Variants in WNK1 observed in about 807,000 individuals in gnomAD.
The protein encoded by WNK1 is WNK lysine deficient protein kinase 1, also known as serine/threonine-protein kinase WNK1.
A neutral mutation model predicts 222.8 loss-of-function variants in WNK1; 38 were observed. The ratio of observed to expected loss-of-function variants is 0.17; its 90% CI spans 0.13 to 0.22. The LOEUF is 0.22. Ranked by LOEUF, WNK1 falls within the 10% of genes least tolerant of loss-of-function variation. The pLI is 1.00. For missense variants in WNK1, 2,348 were observed against 2,918.4 expected (o/e 0.80, Z 4.50); for synonymous variants, 1,090 against 1,092.9 (o/e 1.00, Z 0.05).
At chr12:820,555 A>G (rs1315303458) in intron 2 of WNK1, among the ~76,000 whole-genome samples, 1 of 149,790 alleles carries the variant, frequency 6.7e-6, no homozygotes, top group African/African-American at 2.5e-5. Flanking sequence ...AGCTCACTAC[A>G]GACTTGAACT....
intron 1 of WNK1, among the ~76,000 whole-genome samples, chr12:767,720 A>G (rs1011908625): frequency 6.6e-6 from 1 of 152,140 alleles, no homozygotes; most frequent in African/African-American, 2.4e-5. Flanking sequence ...AGTACATTGA[A>G]GTTTATCAGG....
chr12:757,775 C>T (rs938386365), intron 1 of WNK1, among the ~76,000 whole-genome samples: 3 of 147,232 alleles, frequency 2.0e-5, no homozygotes, highest in Non-Finnish European at 3.0e-5. Context: ...CGGTGGCTCA[C>T]GCCTGTAATC....
At chr12:855,419 C>T (rs1950710922) in intron 4 of WNK1, among the ~76,000 whole-genome samples, 1 of 152,290 alleles carries the variant, frequency 6.6e-6, no homozygotes, top group South Asian at 2.1e-4. Context: ...AGTAATTGAG[C>T]ATTATCCAGC....
rs1939609456 is a variant in WNK1 at position 754,140 on chromosome 12, A to T, written c.575A>T (p.Glu192Val). The change falls in exon 1 of 28, where the codon GAG becomes GTG. Residue 192 changes from glutamate to valine, a missense_variant. Transcript: ENST00000315939. The part of the protein sequence containing the change: ...RSGSGGGSAK[E>V]PQEERSQQQD... ...GGCAGCGGCGGCGGCAGCGCCAAGG[A>T]GCCACAGGAGGAACGGAGCCAGCAG... The T allele has an allele frequency of 6.2e-7, 1 of 1,612,674 alleles. No homozygotes were observed. Among genetic ancestry groups the T allele is most frequent in the Non-Finnish European group, 8.5e-7 (1 of 1,180,008 alleles).
rs138931752 is a variant in WNK1 at position 781,882 on chromosome 12, C to T, written c.759+27558C>T. Among the ~76,000 whole-genome samples, 19 of 151,938 alleles carry T rather than the reference C, an allele frequency of 1.3e-4. No individual in the cohort carries two copies. In the East Asian group the frequency reaches 3.7e-3, roughly 29 times the overall value. On this transcript the variant is annotated intron_variant, in intron 1 of 27. Transcript: ENST00000315939. ...CTAGTTCTGTCAGATTTCTTTGTTCCCCCTCCCAGTGGTTGAGTTCTTATG... is the reference window on the plus strand; with the variant it reads ...CTAGTTCTGTCAGATTTCTTTGTTCTCCCTCCCAGTGGTTGAGTTCTTATG...
At chr12:888,354 A>G (rs898705414) in intron 20 of WNK1, among the ~76,000 whole-genome samples, 1 of 152,256 alleles carries the variant, frequency 6.6e-6, no homozygotes, top group Non-Finnish European at 1.5e-5. Context: ...CAGGAGTTAG[A>G]AAATTAGTTT....
chr12:895,938 G>A (rs144376805), intron 23 of WNK1, 133 bp from the exon 24 acceptor site: 8 of 1,179,098 alleles, frequency 6.8e-6, no homozygotes, highest in African/African-American at 1.5e-5. Flanking sequence ...AAGTGGAGGC[G>A]CTATGTAAAG....
At chr12:856,095 C>T (rs574963445) in intron 4 of WNK1, among the ~76,000 whole-genome samples, 1 of 151,800 alleles carries the variant, frequency 6.6e-6, no homozygotes, top group African/African-American at 2.4e-5. Flanking sequence ...ACCTCAGCCT[C>T]CCCAAAGTGC....
chr12:888,740 A>G (rs1953917139), intron 20 of WNK1, among the ~76,000 whole-genome samples: 1 of 152,206 alleles, frequency 6.6e-6, no homozygotes, highest in Non-Finnish European at 1.5e-5. Flanking sequence ...CTTCCCAGAA[A>G]GATGTATAAA....
At chr12:856,198 G>T (rs539829304) in intron 4 of WNK1, among the ~76,000 whole-genome samples, 55 of 151,472 alleles carry the variant, frequency 3.6e-4, no homozygotes, top group Non-Finnish European at 7.4e-4. Context: ...CTGTAATCCC[G>T]GCACTTTGGG....
chr12:764,634 C>CAAAAAAAAAAAAAAA (rs529312629), intron 1 of WNK1, among the ~76,000 whole-genome samples: 1 of 50,156 alleles, frequency 2.0e-5, no homozygotes, highest in Non-Finnish European at 3.6e-5. Flanking sequence ...AACTCCGTCT[C>CAAAAAAAAAAAAAAA]AAAAAAAAAA....
chr12:780,621 T>G (rs1256020478), intron 1 of WNK1, among the ~76,000 whole-genome samples: 2 of 152,258 alleles, frequency 1.3e-5, no homozygotes, highest in Non-Finnish European at 2.9e-5. Context: ...AACAGTTGCA[T>G]GTGTTAAGCT....
chr12:857,353 G>T (rs769501711), intron 5 of WNK1, 104 bp downstream of exon 5: 1 of 1,094,304 alleles, frequency 9.1e-7, no homozygotes, highest in Non-Finnish European at 1.4e-6. Flanking sequence ...TTTGTGATTG[G>T]TTTCTCTATT....
At chr12:848,964 A>T (rs1950227382) in intron 4 of WNK1, among the ~76,000 whole-genome samples, 1 of 152,090 alleles carries the variant, frequency 6.6e-6, no homozygotes. Flanking sequence ...AAAACTACCC[A>T]CATCTTTATA....
intron 21 of WNK1, among the ~76,000 whole-genome samples, chr12:890,170 C>T (rs919228079): frequency 6.6e-6 from 1 of 151,924 alleles, no homozygotes. Context: ...CCAGGCCGGT[C>T]TCGAACTCCT....
At chr12:757,564 G>A (rs184986374) in intron 1 of WNK1, among the ~76,000 whole-genome samples, 26 of 152,138 alleles carry the variant, frequency 1.7e-4, no homozygotes, top group East Asian at 5.8e-4. Flanking sequence ...AGTAATTACC[G>A]AGATGTTTAA....
At chr12:759,843 C>G (rs2153917931) in intron 1 of WNK1, among the ~76,000 whole-genome samples, 1 of 147,726 alleles carries the variant, frequency 6.8e-6, no homozygotes, top group African/African-American at 2.4e-5. Context: ...AAAAAGAGTA[C>G]CCATTTTATA....
Position 862,257 on chromosome 12 carries a change from C to T in WNK1, c.2126C>T (p.Pro709Leu). ...QAQSQPHGVY[P>L]PSSVAQGQSQ... is the part of the protein sequence containing the mutation. ...CAGTCTCAGCCCCATGGGGTATATC[C>T]ACCCTCAAGTGTGGTAAGTAAATGC... Residue 709 changes from proline (P) to leucine (L), a missense_variant, in exon 8 of 28, where the codon CCA (proline) becomes CTA (leucine). Transcript: ENST00000315939. The T allele has an allele frequency of 1.9e-6, 3 of 1,614,046 alleles. No individual in the cohort carries two copies. The highest frequency in any genetic ancestry group is 2.5e-6 in the Non-Finnish European group (3 of 1,179,950).
chr12:885,386 T>C lies in WNK1; in HGVS notation c.4582T>C (p.Ser1528Pro). Residue 1528 changes from serine to proline, a missense_variant, in exon 19 of 28, where the codon TCA becomes CCA. Physicochemically the swap from Ser to Pro is moderately conservative, Grantham distance 74. This residue lies in a region of WNK1 where 1,144 missense variants were observed against 1,273.6 expected (regional missense o/e 0.90). Transcript: ENST00000315939. ...LAETVVVSAHSLDKTSHSSTT... is the reference protein window; with the variant it reads ...LAETVVVSAHPLDKTSHSSTT... ...TGAAACCGTGGTAGTTAGCGCACAC[T>C]CACTAGATAAGACATCTCATAGCAG... 1.2e-6 allele frequency: 2 copies of C among 1,613,748 alleles called. No individual in the cohort carries two copies. The highest frequency in any genetic ancestry group is 1.7e-6 in the Non-Finnish European group (2 of 1,180,030).
Sources: gnomAD v4.1 joint callset for allele counts (sites outside exome capture counted in the v4.1 genomes callset) on GRCh38, gnomAD v4.1.1 for gene constraint, gnomAD v4.1.1 regional missense constraint, MANE v1.5 for transcripts, NCBI Gene and HGNC (gene_info 2026-07-23, HGNC 2026-07-21) for gene names.